PAN3: variants seen among roughly 807,000 people sequenced by gnomAD.
PAN3 encodes the protein poly(A) specific ribonuclease subunit PAN3, also known as PAN2-PAN3 deadenylation complex subunit PAN3.
PAN3 carries 19 observed loss-of-function variants against 96.2 expected under a neutral mutation model. That is an observed-to-expected ratio of 0.20 (90% confidence interval 0.14 to 0.29). The LOEUF (loss-of-function observed/expected upper bound fraction) is 0.29, where lower values mean the gene tolerates loss of function less well. PAN3 is among the 10% of genes least tolerant of loss of function. The probability of loss-of-function intolerance (pLI) is 1.00; values close to 1 mark genes in which losing one functional copy is unlikely to be tolerated. For missense variants in PAN3, 882 were observed against 1,108.1 expected (o/e 0.80, Z 2.90); for synonymous variants, 433 against 406.6 (o/e 1.06, Z -0.78).
intron 4 of PAN3, among the ~76,000 whole-genome samples, chr13:28,195,289 G>C (rs1042963433): frequency 5.3e-5 from 8 of 152,066 alleles, no homozygotes; most frequent in African/African-American, 1.9e-4. Context: ...TGTAGTCCCA[G>C]CTACTTGGGA....
At chr13:28,203,564 C>G (rs763807398) in intron 5 of PAN3, among the ~76,000 whole-genome samples, 4 of 152,116 alleles carry the variant, frequency 2.6e-5, no homozygotes, top group Non-Finnish European at 5.9e-5. Flanking sequence ...TTGCCTCAGC[C>G]TCCCAAAGTG....
At chr13:28,157,060 C>CACA (rs1872279028) in intron 1 of PAN3, among the ~76,000 whole-genome samples, 1 of 146,566 alleles carries the variant, frequency 6.8e-6, no homozygotes, top group Admixed American at 6.8e-5. Flanking sequence ...CCCTGAGTTG[C>CACA]AAGACTGGTC....
chr13:28,250,712 C>A (rs1884645578), intron 6 of PAN3, among the ~76,000 whole-genome samples: 1 of 152,222 alleles, frequency 6.6e-6, no homozygotes, highest in African/African-American at 2.4e-5. Flanking sequence ...CCATGTTGCC[C>A]AGACTGGCCT....
intron 1 of PAN3, among the ~76,000 whole-genome samples, chr13:28,140,011 G>C (rs187684514): frequency 1.3e-5 from 2 of 152,040 alleles, no homozygotes; most frequent in Non-Finnish European, 2.9e-5. Flanking sequence ...GCAGTTGCGC[G>C]ATCTCAGCTC....
intron 6 of PAN3, among the ~76,000 whole-genome samples, chr13:28,255,644 A>G (rs1371233269): frequency 6.6e-6 from 1 of 152,094 alleles, no homozygotes; most frequent in Non-Finnish European, 1.5e-5. Context: ...ATCTGTAGAA[A>G]TTTTCAGAGT....
intron 9 of PAN3, among the ~76,000 whole-genome samples, chr13:28,266,340 G>A (rs924791742): frequency 6.6e-6 from 1 of 152,064 alleles, no homozygotes; most frequent in Non-Finnish European, 1.5e-5. Context: ...GGTATTTGAA[G>A]CATTAAAAAA....
At chr13:28,245,099 G>A (rs867970693) in intron 6 of PAN3, among the ~76,000 whole-genome samples, 11 of 152,042 alleles carry the variant, frequency 7.2e-5, no homozygotes, top group African/African-American at 2.7e-4. Context: ...CACCCACCTC[G>A]GCCTCCCAAA....
chr13:28,281,434 TAATAAG>T, intron 17 of PAN3, 55 bp downstream of exon 17: 1 of 1,438,600 alleles, frequency 7.0e-7, no homozygotes, highest in Non-Finnish European at 9.7e-7. Flanking sequence ...CTATTTTGCA[TAATAAG>T]AATAAGTATG....
chr13:28,251,711 T>G (rs1435990837), intron 6 of PAN3, among the ~76,000 whole-genome samples: 1 of 152,228 alleles, frequency 6.6e-6, no homozygotes, highest in East Asian at 1.9e-4. Flanking sequence ...GGTTTTAGTT[T>G]CATTTTCTGT....
At chr13:28,192,561 T>G (rs767454469) in intron 4 of PAN3, among the ~76,000 whole-genome samples, 5 of 152,242 alleles carry the variant, frequency 3.3e-5, no homozygotes, top group Non-Finnish European at 5.9e-5. Context: ...TTCAGAACTT[T>G]ACTCAGGCAT....
chr13:28,253,458 C>CT (rs1385132307), intron 6 of PAN3, among the ~76,000 whole-genome samples: 1 of 152,064 alleles, frequency 6.6e-6, no homozygotes, highest in African/African-American at 2.4e-5. Context: ...AAAGCTGTGT[C>CT]TTTTGTGATT....
intron 6 of PAN3, among the ~76,000 whole-genome samples, chr13:28,254,630 GA>G (rs1884993691): frequency 6.6e-6 from 1 of 152,008 alleles, no homozygotes; most frequent in African/African-American, 2.4e-5. Flanking sequence ...TATAGAGTTA[GA>G]TTAAAAACAG....
intron 1 of PAN3, among the ~76,000 whole-genome samples, chr13:28,139,946 T>A (rs933710203): frequency 6.8e-6 from 1 of 146,900 alleles, no homozygotes; most frequent in African/African-American, 2.5e-5. Flanking sequence ...GTGTTGTTGT[T>A]GTTGTTGTTG....
At chr13:28,169,222 C>CTTTTTTTTTTTTTTTTTTTTTT (rs202200725) in intron 1 of PAN3, among the ~76,000 whole-genome samples, 6 of 74,990 alleles carry the variant, frequency 8.0e-5, no homozygotes, top group African/African-American at 2.2e-4. Context: ...TTTTTGTTTG[C>CTTTTTTTTTTTTTTTTTTTTTT]TTTTTTTTTT....
chr13:28,140,267 A>T (rs1202154325), intron 1 of PAN3, among the ~76,000 whole-genome samples: 1 of 152,140 alleles, frequency 6.6e-6, no homozygotes, highest in Non-Finnish European at 1.5e-5. Context: ...TTTACAATTG[A>T]ATGTGAGCGT....
At chr13:28,212,549 GA>G (rs1452192361) in intron 5 of PAN3, among the ~76,000 whole-genome samples, 1 of 152,108 alleles carries the variant, frequency 6.6e-6, no homozygotes, top group Non-Finnish European at 1.5e-5. Context: ...ATAGTTACGT[GA>G]AAACATCAAC....
intron 6 of PAN3, among the ~76,000 whole-genome samples, chr13:28,235,143 C>T (rs1284468900): frequency 6.6e-6 from 1 of 152,138 alleles, no homozygotes; most frequent in African/African-American, 2.4e-5. Context: ...ATGTAAAGCT[C>T]CTTTTGATTC....
chr13:28,259,605 T>C (rs868140999), intron 7 of PAN3, among the ~76,000 whole-genome samples: 3 of 151,848 alleles, frequency 2.0e-5, no homozygotes, highest in African/African-American at 7.2e-5. Context: ...TGAAATATTA[T>C]GTTTATTTTT....
chr13:28,163,199 ATAAAT>A (rs1042194526), intron 1 of PAN3, among the ~76,000 whole-genome samples: 2 of 152,210 alleles, frequency 1.3e-5, no homozygotes, highest in African/African-American at 4.8e-5. Flanking sequence ...ATAATAAAAA[ATAAAT>A]TCAAAACAAA....
Sources: allele counts gnomAD v4.1 joint callset (sites outside exome capture counted in the v4.1 genomes callset), GRCh38; gene constraint gnomAD v4.1.1; transcripts MANE v1.5; gene names NCBI Gene and HGNC (gene_info 2026-07-23, HGNC 2026-07-21).